FAM227A: variants seen among roughly 807,000 people sequenced by gnomAD.
FAM227A encodes family with sequence similarity 227 member A, also known as protein FAM227A.
A neutral mutation model predicts 74.7 loss-of-function variants in FAM227A; 80 were observed. The ratio of observed to expected loss-of-function variants is 1.07; its 90% CI spans 0.89 to 1.29. The LOEUF (loss-of-function observed/expected upper bound fraction) is 1.29, where lower values mean the gene tolerates loss of function less well. FAM227A is among the 50% of genes most tolerant of loss of function. FAM227A has a pLI of 0.00. For missense variants in FAM227A, 654 were observed against 683.4 expected (o/e 0.96, Z 0.48); for synonymous variants, 237 against 241.8 (o/e 0.98, Z 0.19).
chr22:38,623,108 CAGTTAG>C, intron 10 of FAM227A, 58 bp downstream of exon 10: 1 of 1,142,904 alleles, frequency 8.7e-7, no homozygotes, highest in African/African-American at 1.5e-5. Flanking sequence ...TCTCCTCCCT[CAGTTAG>C]ATAGTGGTTG....
chr22:38,583,134 G>A lies in FAM227A; in HGVS notation c.*2991C>T, dbSNP rs992439044. 3 of 610,484 alleles carry A rather than the reference G, an allele frequency of 4.9e-6. No individual in the cohort carries two copies. Among genetic ancestry groups the A allele is most frequent in the African/African-American group, 1.9e-5 (1 of 53,466 alleles). The allele number at this position is 610,484 out of a possible 1,614,324, so 37.8% of individuals were successfully genotyped here. On this transcript the variant is annotated 3_prime_UTR_variant, in exon 17 of 17. Coordinates refer to ENST00000535113, the MANE Select transcript of FAM227A (RefSeq NM_001013647.2). The stretch of plus-strand genomic sequence containing the variant: ...CTGCCCCACATGGTGCCTTGTACTC[G>A]GCAGGTGCTCACACGTTCTGGTTTC...
intron 4 of FAM227A, among the ~76,000 whole-genome samples, chr22:38,639,452 T>C (rs2092069126): frequency 6.7e-6 from 1 of 150,166 alleles, no homozygotes; most frequent in Non-Finnish European, 1.5e-5. Flanking sequence ...TAAAAGCACC[T>C]GGTGCCACAT....
At chr22:38,600,334 AAT>A (rs1274781785) in intron 13 of FAM227A, among the ~76,000 whole-genome samples, 1 of 149,870 alleles carries the variant, frequency 6.7e-6, no homozygotes, top group African/African-American at 2.5e-5. Context: ...ATATATATAT[AAT>A]TTTATTTTAT....
chr22:38,596,764 G>A (rs1279644356), intron 15 of FAM227A, among the ~76,000 whole-genome samples: 1 of 151,886 alleles, frequency 6.6e-6, no homozygotes, highest in Non-Finnish European at 1.5e-5. Context: ...TAAAATTTCT[G>A]AAAAAGGCAG....
intron 10 of FAM227A, among the ~76,000 whole-genome samples, chr22:38,620,666 G>A (rs377013359): frequency 1.3e-5 from 2 of 151,846 alleles, no homozygotes; most frequent in South Asian, 2.1e-4. Flanking sequence ...AAAATCAGCC[G>A]GGCATGGTGG....
intron 11 of FAM227A, among the ~76,000 whole-genome samples, chr22:38,613,172 ATATAT>A (rs1415932856): frequency 1.2e-5 from 1 of 83,460 alleles, no homozygotes; most frequent in Non-Finnish European, 2.1e-5. Flanking sequence ...TATGCTGTAT[ATATAT>A]TATATATAAT....
chr22:38,648,816 T>C (rs190173947), intron 2 of FAM227A, among the ~76,000 whole-genome samples: 121 of 150,994 alleles, frequency 8.0e-4, no homozygotes, highest in Admixed American at 2.1e-3. Context: ...CTACTAAAAA[T>C]ACAAAAATTA....
chr22:38,654,903 G>A (rs2092370258), intron 1 of FAM227A, among the ~76,000 whole-genome samples: 1 of 145,618 alleles, frequency 6.9e-6, no homozygotes, highest in African/African-American at 2.6e-5. Context: ...AGCTGAGATT[G>A]TACCACTGCA....
chr22:38,597,406 C>G, intron 14 of FAM227A, 50 bp from the exon 15 acceptor site: 1 of 1,537,026 alleles, frequency 6.5e-7, no homozygotes, highest in African/African-American at 1.4e-5. Flanking sequence ...TGTGTTGACG[C>G]TGCATTATTA....
At chr22:38,616,816 G>A (rs1041874287) in intron 11 of FAM227A, among the ~76,000 whole-genome samples, 2 of 152,072 alleles carry the variant, frequency 1.3e-5, no homozygotes, top group African/African-American at 2.4e-5. Flanking sequence ...AAAGAGGGGC[G>A]CTAAGGGCAT....
chr22:38,617,112 T>G (rs2091594163), intron 11 of FAM227A, among the ~76,000 whole-genome samples: 1 of 151,940 alleles, frequency 6.6e-6, no homozygotes, highest in Non-Finnish European at 1.5e-5. Flanking sequence ...GGCAGTACAG[T>G]GGTGCGGCCA....
rs1189401841 is a variant in FAM227A, at chr22:38,620,204, C to G, written c.1038+8G>C. The stretch of plus-strand genomic sequence containing the variant: ...CAAAGGGGTCCTGGTCCGTGCCTCC[C>G]CACTTACCTGAGGGTGGTAGAATTT... On this transcript the variant is annotated splice_region_variant and intron_variant, in intron 11 of 16. Coordinates refer to ENST00000535113, the MANE Select transcript of FAM227A (RefSeq NM_001013647.2). 6.5e-6 allele frequency: 10 copies of G among 1,548,726 alleles called. No individual in the cohort carries two copies.
chr22:38,624,792 AG>A (rs2091762588), intron 9 of FAM227A, among the ~76,000 whole-genome samples: 1 of 152,186 alleles, frequency 6.6e-6, no homozygotes, highest in Non-Finnish European at 1.5e-5. Context: ...GAGGGGCATA[AG>A]GAAGTCTGCG....
At chr22:38,589,504 A>G (rs1375592226) in intron 16 of FAM227A, among the ~76,000 whole-genome samples, 2 of 152,174 alleles carry the variant, frequency 1.3e-5, no homozygotes, top group African/African-American at 4.8e-5. Context: ...GAAATAATAC[A>G]AGCAAAATTC....
intron 11 of FAM227A, among the ~76,000 whole-genome samples, chr22:38,613,185 AATAT>A (rs371387079): frequency 7.1e-4 from 58 of 82,182 alleles, no homozygotes; most frequent in Admixed American, 2.1e-3. Context: ...TATTATATAT[AATAT>A]ATATATATTA....
At chr22:38,644,622 T>C (rs1039712386) in intron 3 of FAM227A, among the ~76,000 whole-genome samples, 3 of 151,626 alleles carry the variant, frequency 2.0e-5, no homozygotes, top group Non-Finnish European at 2.9e-5. Context: ...TTGTAAACTC[T>C]GAATGTCGAG....
At chr22:38,649,591 G>A (rs1261386719) in intron 2 of FAM227A, among the ~76,000 whole-genome samples, 2 of 144,978 alleles carry the variant, frequency 1.4e-5, no homozygotes, top group Non-Finnish European at 3.0e-5. Context: ...ATATGGCTGG[G>A]CGAGGTGGCT....
At chr22:38,615,952 G>C (rs965081677) in intron 11 of FAM227A, among the ~76,000 whole-genome samples, 2 of 152,100 alleles carry the variant, frequency 1.3e-5, no homozygotes, top group African/African-American at 4.8e-5. Flanking sequence ...GGCTGAGAAG[G>C]CTGGTGGATA....
chr22:38,642,102 C>T (rs893717348), intron 3 of FAM227A, among the ~76,000 whole-genome samples: 1 of 152,156 alleles, frequency 6.6e-6, no homozygotes, highest in African/African-American at 2.4e-5. Flanking sequence ...TCATAAGTCA[C>T]CATTCTGTCC....
Sources: allele counts gnomAD v4.1 joint callset (sites outside exome capture counted in the v4.1 genomes callset), GRCh38; gene constraint gnomAD v4.1.1; transcripts MANE v1.5; gene names NCBI Gene and HGNC (gene_info 2026-07-23, HGNC 2026-07-21).